DENND4A: variants seen among roughly 807,000 people sequenced by gnomAD.
DENND4A encodes DENN domain containing 4A.
DENND4A carries 70 observed loss-of-function variants against 199.3 expected under a neutral mutation model. The ratio of observed to expected loss-of-function variants is 0.35; its 90% CI spans 0.29 to 0.43. The LOEUF is 0.43. DENND4A is among the 20% of genes least tolerant of loss of function. The pLI is 1.00. For missense variants in DENND4A, 1,723 were observed against 2,255.8 expected (o/e 0.76, Z 4.78); for synonymous variants, 686 against 766.9 (o/e 0.89, Z 1.74).
chr15:65,774,635 A>C (rs1002641467), intron 1 of DENND4A, among the ~76,000 whole-genome samples: 3 of 152,122 alleles, frequency 2.0e-5, no homozygotes, highest in Admixed American at 6.5e-5. Flanking sequence ...GTGCCACTGC[A>C]CTCCAGCCTG....
chr15:65,727,717 T>C, intron 11 of DENND4A: 1 of 208,544 alleles, frequency 4.8e-6, no homozygotes, highest in Non-Finnish European at 9.9e-6. Flanking sequence ...TCATAGTTAT[T>C]ATAAACATGT....
At chr15:65,739,703 A>AG (rs535078812) in intron 5 of DENND4A, among the ~76,000 whole-genome samples, 53 of 152,340 alleles carry the variant, frequency 3.5e-4, no homozygotes, top group African/African-American at 1.2e-3. Flanking sequence ...GACATACTAC[A>AG]GGAGTATGGT....
chr15:65,756,871 A>G (rs1378091880), intron 2 of DENND4A, among the ~76,000 whole-genome samples: 1 of 152,076 alleles, frequency 6.6e-6, no homozygotes, highest in African/African-American at 2.4e-5. Flanking sequence ...CCTTGTCTCT[A>G]CTAAAAATAC....
At position 65,690,912 on chromosome 15, in the gene DENND4A, C is replaced by T; in HGVS notation, c.3682G>A (p.Glu1228Lys). The T allele has an allele frequency of 6.2e-7, 1 of 1,607,018 alleles. No homozygotes were observed. Among genetic ancestry groups the T allele is most frequent in the African/African-American group, 1.3e-5 (1 of 75,008 alleles). ...CTATCATCTTCATCCTCCTCCTCTT[C>T]TTCTTTTTGCTGCTGTTCAGTCTCA... ...VAETEQQQKE[E>K]EEEDEDDSKS... The change falls in exon 23 of 33, where the codon GAA becomes AAA. Residue 1228 changes from glutamate to lysine, a missense_variant. Glu to Lys is a moderately conservative substitution (Grantham distance 56). Transcript: ENST00000443035.
At chr15:65,781,227 C>T (rs944651862) in intron 1 of DENND4A, among the ~76,000 whole-genome samples, 14 of 152,108 alleles carry the variant, frequency 9.2e-5, no homozygotes, top group Admixed American at 8.5e-4. Flanking sequence ...AAGTAGAAAG[C>T]AGAAATTACT....
chr15:65,701,240 T>C, intron 18 of DENND4A, 48 bp from the exon 19 acceptor site: 1 of 1,400,298 alleles, frequency 7.1e-7, no homozygotes, highest in East Asian at 2.6e-5. Flanking sequence ...TTTTTATAAG[T>C]GAACATATAT....
intron 4 of DENND4A, among the ~76,000 whole-genome samples, chr15:65,743,900 T>A (rs2076320137): frequency 6.6e-6 from 1 of 152,050 alleles, no homozygotes; most frequent in South Asian, 2.1e-4. Flanking sequence ...TTAGGCTGTT[T>A]TAAGGATTTT....
At chr15:65,722,819 T>G in intron 12 of DENND4A, 29 bp downstream of exon 12, 2 of 1,498,758 alleles carry the variant, frequency 1.3e-6, no homozygotes, top group Non-Finnish European at 1.8e-6. Flanking sequence ...CAGATTAAAT[T>G]ACCTCCTTTA....
chr15:65,781,452 G>A (rs1434530434), intron 1 of DENND4A, among the ~76,000 whole-genome samples: 2 of 152,124 alleles, frequency 1.3e-5, no homozygotes, highest in African/African-American at 4.8e-5. Context: ...TCCTAATAAC[G>A]CAGAAGTTGG....
intron 23 of DENND4A, among the ~76,000 whole-genome samples, chr15:65,676,922 T>C (rs1566992329): frequency 6.6e-6 from 1 of 152,242 alleles, no homozygotes; most frequent in Non-Finnish European, 1.5e-5. Flanking sequence ...ATAATTTTCC[T>C]CTCTGACAAG....
intron 24 of DENND4A, among the ~76,000 whole-genome samples, chr15:65,674,535 G>T (rs2076313807): frequency 6.6e-6 from 1 of 152,132 alleles, no homozygotes; most frequent in African/African-American, 2.4e-5. Flanking sequence ...AGCCAATGCT[G>T]GAGGATCACT....
chr15:65,731,036 T>A (rs999048116), intron 9 of DENND4A, among the ~76,000 whole-genome samples: 1 of 152,010 alleles, frequency 6.6e-6, no homozygotes, highest in Non-Finnish European at 1.5e-5. Flanking sequence ...AGTGATGAAA[T>A]AATCTGCAAT....
chr15:65,708,361 T>C (rs1202987374), intron 14 of DENND4A, among the ~76,000 whole-genome samples: 2 of 152,134 alleles, frequency 1.3e-5, no homozygotes, highest in East Asian at 1.9e-4. Context: ...CTTCTCCCTC[T>C]CCATATTGGT....
intron 2 of DENND4A, 21 bp downstream of exon 2, chr15:65,761,339 T>A (rs894289069): frequency 1.3e-5 from 2 of 152,200 alleles, no homozygotes; most frequent in African/African-American, 4.8e-5. Flanking sequence ...CAAATCAAAA[T>A]GAAAGCCAAA....
intron 27 of DENND4A, among the ~76,000 whole-genome samples, chr15:65,669,070 G>A (rs2076136747): frequency 6.6e-6 from 1 of 152,092 alleles, no homozygotes; most frequent in African/African-American, 2.4e-5. Flanking sequence ...ATTCCTTCAG[G>A]AGTCACAACC....
At position 65,729,236 on chromosome 15, in the gene DENND4A, A is replaced by T. The variant is rs750828625; in HGVS notation, c.1323T>A (p.Pro441=). The T allele has an allele frequency of 3.1e-5, 49 of 1,573,886 alleles. No individual in the cohort carries two copies. Among genetic ancestry groups the T allele is most frequent in the Non-Finnish European group, 1.7e-6 (2 of 1,158,864 alleles). ...GAACATACGGGCATGGCCAGTGGAAAGGGAAAATCATCTTGGATAAACAAA... is the reference window on the plus strand; with the variant it reads ...GAACATACGGGCATGGCCAGTGGAATGGGAAAATCATCTTGGATAAACAAA... ...VTEALVSMIF[P]FHWPCPYVPL... is the part of the protein sequence containing the mutation. Residue 441 remains proline (P), a synonymous_variant, in exon 11 of 33, where the codon CCT becomes CCA. Transcript: ENST00000443035.
chr15:65,774,130 T>C (rs28528947), intron 1 of DENND4A, among the ~76,000 whole-genome samples: 30,113 of 151,186 alleles, frequency 0.2, 4,010 homozygotes, highest in East Asian at 0.74. Flanking sequence ...CCGAGGTTGG[T>C]GGATCACTTG....
intron 5 of DENND4A, among the ~76,000 whole-genome samples, chr15:65,740,816 G>A (rs1298115537): frequency 6.6e-6 from 1 of 151,734 alleles, no homozygotes; most frequent in Non-Finnish European, 1.5e-5. Flanking sequence ...TAAAAAATTA[G>A]CCAGGCATGC....
Position 65,700,618 on chromosome 15 carries a change from G to A in DENND4A, c.2759C>T (p.Thr920Ile), listed in dbSNP as rs2074833684. The change falls in exon 20 of 33, where the codon ACA becomes ATA. Residue 920 changes from threonine (T) to isoleucine (I), a missense_variant. Thr to Ile is a moderately conservative substitution (Grantham distance 89). This residue lies in a region of DENND4A where 650 missense variants were observed against 738.1 expected (regional missense o/e 0.88). Transcript: ENST00000443035. Reference sequence around the variant, plus strand: ...AAAAGGTGCCTGCTCCACAGTGTGTGTCCCATGACCACTATCCATGCTGCC... The same window carrying A: ...AAAAGGTGCCTGCTCCACAGTGTGTATCCCATGACCACTATCCATGCTGCC... ...SHGSMDSGHG[T>I]HTVEQAPFNT... 6.5e-7 allele frequency: 1 copy of A among 1,547,852 alleles called. No individual in the cohort carries two copies. The highest frequency in any genetic ancestry group is 8.7e-7 in the Non-Finnish European group (1 of 1,145,334).
Sources: gnomAD v4.1 joint callset for allele counts (sites outside exome capture counted in the v4.1 genomes callset) on GRCh38, gnomAD v4.1.1 for gene constraint, gnomAD v4.1.1 regional missense constraint, MANE v1.5 for transcripts, NCBI Gene and HGNC (gene_info 2026-07-23, HGNC 2026-07-21) for gene names.